Variants in PCDHA1 observed in about 807,000 individuals in gnomAD.
The protein encoded by PCDHA1 is protocadherin alpha-1.
PCDHA1 carries 42 observed loss-of-function variants against 61.3 expected under a neutral mutation model. The observed-to-expected ratio is 0.69, with a 90% confidence interval of 0.54 to 0.89. PCDHA1 has a LOEUF of 0.89. PCDHA1 is among the 40% of genes least tolerant of loss of function. The pLI is 0.00. For synonymous variants in PCDHA1, 610 were observed against 553.8 expected, an observed-to-expected ratio of 1.10 and a Z score of -1.43; for missense variants, 1,256 against 1,235.3, an observed-to-expected ratio of 1.02 and a Z score of -0.25.
At chr5:140,802,990 A>G (rs1462941214) in intron 1 of PCDHA1, 2 of 1,613,894 alleles carry the variant, frequency 1.2e-6, no homozygotes, top group Admixed American at 3.3e-5. Context: ...CGCGCAGTGG[A>G]TGCAGACTCA....
chr5:140,807,616 G>T (rs113425597), intron 1 of PCDHA1: 1 of 1,614,130 alleles, frequency 6.2e-7, no homozygotes, highest in African/African-American at 1.3e-5. Flanking sequence ...TGTCCATCGC[G>T]GAATCCAGGC....
At chr5:140,849,988 G>T (rs2150461736) in intron 1 of PCDHA1, 1 of 1,597,248 alleles carries the variant, frequency 6.3e-7, no homozygotes, top group Non-Finnish European at 8.6e-7. Flanking sequence ...GTGGAGCGGC[G>T]GTTGGGCGAG....
In PCDHA1 at chr5:140,787,898, C is replaced by T. The variant is rs1554118038; in HGVS notation, c.1608C>T (p.Ser536=). ...EELELLQFQV[S]ARDAGVPPLG... Reference sequence around the variant, plus strand: ...TGGAGCTGCTGCAGTTCCAGGTGAGCGCGCGGGATGCGGGCGTGCCGCCTC... The same window carrying T: ...TGGAGCTGCTGCAGTTCCAGGTGAGTGCGCGGGATGCGGGCGTGCCGCCTC... The change falls in exon 1 of 4, where the codon AGC becomes AGT. Residue 536 remains serine, a synonymous_variant. Transcript: ENST00000504120. The T allele has an allele frequency of 6.2e-7, 1 of 1,613,524 alleles. No homozygotes were observed.
chr5:140,786,692 G>A lies in PCDHA1; in HGVS notation c.402G>A (p.Arg134=). The A allele has an allele frequency of 6.2e-7, 1 of 1,614,210 alleles. No homozygotes were observed. The change falls in exon 1 of 4, where the codon AGG becomes AGA. Residue 134 remains arginine (R), a synonymous_variant. Coordinates refer to ENST00000504120, the MANE Select transcript of PCDHA1 (RefSeq NM_018900.4). The stretch of plus-strand genomic sequence containing the variant: ...TTAACGATAATCCACCCGTCTTCAG[G>A]GGCAGAGAACAAATAATATTTATTC... ...KDINDNPPVF[R]GREQIIFIPE...
At chr5:140,803,470 T>C (rs1307758444) in intron 1 of PCDHA1, 1 of 1,613,888 alleles carries the variant, frequency 6.2e-7, no homozygotes, top group Non-Finnish European at 8.5e-7. Flanking sequence ...CAGCAGAGGG[T>C]GTGCTCTGGA....
chr5:140,998,107 A>G (rs138517610), intron 3 of PCDHA1, among the ~76,000 whole-genome samples: 1 of 152,328 alleles, frequency 6.6e-6, no homozygotes, highest in Non-Finnish European at 1.5e-5. Flanking sequence ...AACAGAGGAG[A>G]AAATTTACTT....
Position 140,850,666 on chromosome 5 carries a change from C to A in PCDHA1, c.2394+61982C>A, listed in dbSNP as rs2150492830. 6.9e-6 allele frequency: 11 copies of A among 1,598,434 alleles called. 3 individuals carry two copies. Among genetic ancestry groups the A allele is most frequent in the Middle Eastern group, 1.7e-4 (1 of 5,998 alleles). ...CTGCTGTACACTGTGCTGCGGTGCT[C>A]GGCGATGCCCACCGAGGGCGAGTGC... On this transcript the variant is annotated intron_variant, in intron 1 of 3. Transcript: ENST00000504120.
rs1028376160 is a variant in PCDHA1 at position 140,924,281 on chromosome 5, C to T, written c.2395-54668C>T. Among the ~76,000 whole-genome samples the T allele has an allele frequency of 2.6e-5, 4 of 152,170 alleles. No individual in the cohort carries two copies. The East Asian group carries it at 7.7e-4, about 29-fold the overall frequency. ...TAATGAGGTCTGTACTTGTGACTAC[C>T]TAATAGGCTGACATGTTTCCTCCTT... is the stretch of plus-strand genomic sequence containing the variant. On this transcript the variant is annotated intron_variant, in intron 1 of 3. Coordinates refer to ENST00000504120, the MANE Select transcript of PCDHA1 (RefSeq NM_018900.4).
intron 2 of PCDHA1, among the ~76,000 whole-genome samples, chr5:140,979,343 AATT>A (rs1482354475): frequency 8.6e-5 from 13 of 152,024 alleles, no homozygotes; most frequent in African/African-American, 3.1e-4. Flanking sequence ...TAAAAACTGT[AATT>A]AATACTCATG....
At chr5:140,823,609 C>G (rs1554129478) in intron 1 of PCDHA1, 1 of 1,614,036 alleles carries the variant, frequency 6.2e-7, no homozygotes, top group Non-Finnish European at 8.5e-7. Flanking sequence ...TGAGCTGCAG[C>G]CAGCGCCTGG....
chr5:140,890,608 G>A (rs1451973329), intron 1 of PCDHA1, among the ~76,000 whole-genome samples: 1 of 152,026 alleles, frequency 6.6e-6, no homozygotes, highest in African/African-American at 2.4e-5. Flanking sequence ...AATAGCTAGT[G>A]CTTACCCTAG....
intron 1 of PCDHA1, chr5:140,801,150 A>C (rs782190308): frequency 8.5e-6 from 13 of 1,530,266 alleles, no homozygotes; most frequent in Non-Finnish European, 1.1e-5. Flanking sequence ...ATTATTTTTA[A>C]ACTTTGGATC....
At chr5:140,911,744 C>T (rs758009837) in intron 1 of PCDHA1, among the ~76,000 whole-genome samples, 2 of 151,280 alleles carry the variant, frequency 1.3e-5, no homozygotes, top group Non-Finnish European at 2.9e-5. Flanking sequence ...CAAGGACTAT[C>T]AGTGTTCTCC....
intron 1 of PCDHA1, among the ~76,000 whole-genome samples, chr5:140,792,892 T>C (rs1168613652): frequency 6.6e-6 from 1 of 152,226 alleles, no homozygotes; most frequent in Non-Finnish European, 1.5e-5. Flanking sequence ...AGAATTTGGG[T>C]ACATGCCATG....
At chr5:140,927,471 C>A (rs1371582285) in intron 1 of PCDHA1, 2 of 1,613,968 alleles carry the variant, frequency 1.2e-6, no homozygotes, top group African/African-American at 1.3e-5. Flanking sequence ...CACTGGATCG[C>A]GAACAGCGCG....
At chr5:140,995,087 C>T (rs1482673933) in intron 3 of PCDHA1, among the ~76,000 whole-genome samples, 1 of 152,222 alleles carries the variant, frequency 6.6e-6, no homozygotes, top group Non-Finnish European at 1.5e-5. Flanking sequence ...CCAAACTTAT[C>T]TGTGGAGATA....
Position 140,797,228 on chromosome 5 carries a change from G to A in PCDHA1, c.2394+8544G>A, listed in dbSNP as rs547468977. 10 of 1,614,202 alleles carry A rather than the reference G, an allele frequency of 6.2e-6. No homozygotes were observed. The South Asian group carries it at 7.7e-5, about 12-fold the overall frequency. On this transcript the variant is annotated intron_variant, in intron 1 of 3. Transcript: ENST00000504120. ...AGCTGGTCTTACTCGCAGCAGAGGC[G>A]GCAGAGGGTGTGCTCTGGGGAGGAC...
intron 1 of PCDHA1, chr5:140,854,257 T>C (rs189442319): frequency 3.3e-6 from 2 of 609,080 alleles, no homozygotes; most frequent in Non-Finnish European, 4.1e-6. Flanking sequence ...TGGTATAAAA[T>C]GTACATTAGT....
intron 1 of PCDHA1, among the ~76,000 whole-genome samples, chr5:140,818,057 A>C (rs1002691037): frequency 6.6e-6 from 1 of 152,066 alleles, no homozygotes; most frequent in Admixed American, 6.5e-5. Flanking sequence ...TTTGTTTTTA[A>C]TCTCGCTTGC....
Sources: allele counts gnomAD v4.1 joint callset (sites outside exome capture counted in the v4.1 genomes callset), GRCh38; gene constraint gnomAD v4.1.1; transcripts MANE v1.5; gene names NCBI Gene and HGNC (gene_info 2026-07-23, HGNC 2026-07-21).